The following ERBB4 variants were observed in gnomAD, a reference collection of about 807,000 sequenced individuals.
ERBB4 encodes receptor tyrosine-protein kinase erbB-4.
In ERBB4, 42 loss-of-function variants were observed where a neutral mutation model predicts 158.0. The ratio of observed to expected loss-of-function variants is 0.27; its 90% CI spans 0.21 to 0.34. The LOEUF (loss-of-function observed/expected upper bound fraction) is 0.34, where lower values mean the gene tolerates loss of function less well. Among genes scored for constraint, ERBB4 ranks in the 10% least tolerant of loss-of-function variants. The probability of loss-of-function intolerance (pLI) is 1.00; values close to 1 mark genes in which losing one functional copy is unlikely to be tolerated. For synonymous variants in ERBB4, 583 were observed against 558.7 expected (o/e 1.04, Z -0.61); for missense variants, 1,333 against 1,624.1 (o/e 0.82, Z 3.08).
intron 7 of ERBB4, among the ~76,000 whole-genome samples, chr2:211,721,576 T>A (rs1190126412): frequency 6.7e-6 from 1 of 148,356 alleles, no homozygotes; most frequent in Non-Finnish European, 1.5e-5. Context: ...TAACATACCC[T>A]TTATATATAT....
At position 211,668,092 on chromosome 2, in the gene ERBB4, T is replaced by C. The variant is rs559086578; in HGVS notation, c.1717-2615A>G. On this transcript the variant is annotated intron_variant, in intron 14 of 27. Transcript: ENST00000342788. ...CTACAAACTGCACAGCATATTACTGTACTGAATATTTTAGGCAGTAGTAAT... is the reference window on the plus strand; with the variant it reads ...CTACAAACTGCACAGCATATTACTGCACTGAATATTTTAGGCAGTAGTAAT... Among the ~76,000 whole-genome samples, 4 of 152,330 alleles carry C rather than the reference T, an allele frequency of 2.6e-5. No homozygotes were observed. In the East Asian group the frequency reaches 7.7e-4, roughly 29 times the overall value.
At chr2:212,390,644 A>G (rs1260980930) in intron 1 of ERBB4, among the ~76,000 whole-genome samples, 2 of 151,884 alleles carry the variant, frequency 1.3e-5, no homozygotes, top group Non-Finnish European at 3.0e-5. Flanking sequence ...AGATTATAAT[A>G]TCTAATACAT....
At chr2:211,648,165 C>A (rs1037132262) in intron 16 of ERBB4, among the ~76,000 whole-genome samples, 6 of 151,832 alleles carry the variant, frequency 4.0e-5, no homozygotes, top group Non-Finnish European at 8.9e-5. Context: ...TATACCTTAA[C>A]AGAATTTTTT....
chr2:211,551,897 A>G (rs1195993165), intron 20 of ERBB4, among the ~76,000 whole-genome samples: 2 of 152,232 alleles, frequency 1.3e-5, no homozygotes, highest in African/African-American at 4.8e-5. Flanking sequence ...AAGAGGAAAG[A>G]AGGTAAATGA....
intron 1 of ERBB4, among the ~76,000 whole-genome samples, chr2:212,134,676 C>CTTTTTTTTTTTTT (rs869141215): frequency 2.9e-5 from 2 of 69,056 alleles, no homozygotes; most frequent in Non-Finnish European, 5.1e-5. Flanking sequence ...TAAACACTTT[C>CTTTTTTTTTTTTT]TTTTTTTTTT....
intron 2 of ERBB4, among the ~76,000 whole-genome samples, chr2:211,958,103 C>T (rs2081080395): frequency 6.6e-6 from 1 of 152,136 alleles, no homozygotes; most frequent in East Asian, 1.9e-4. Flanking sequence ...ATTTGACAAG[C>T]CTGCCAAGAC....
In ERBB4 at chr2:212,313,094, G is replaced by A. The variant is rs545425437; in HGVS notation, c.83-188191C>T. On this transcript the variant is annotated intron_variant, in intron 1 of 27. Transcript: ENST00000342788. ...AGACAATTTAGAAATTAATGAAACC[G>A]TATTAAGGTAAATATATCCAATTTG... is the stretch of plus-strand genomic sequence containing the variant. Among the ~76,000 whole-genome samples, 10 of 150,796 alleles carry A rather than the reference G, an allele frequency of 6.6e-5. No homozygotes were observed. The South Asian group carries it at 8.3e-4, about 13-fold the overall frequency.
intron 2 of ERBB4, among the ~76,000 whole-genome samples, chr2:211,978,762 T>C (rs1157928636): frequency 6.6e-6 from 1 of 152,192 alleles, no homozygotes; most frequent in Non-Finnish European, 1.5e-5. Context: ...GACCTGAGGA[T>C]ATGTCACCAT....
At chr2:211,682,067 C>CACAA (rs1174951685) in intron 12 of ERBB4, among the ~76,000 whole-genome samples, 1 of 148,904 alleles carries the variant, frequency 6.7e-6, no homozygotes, top group African/African-American at 2.5e-5. Flanking sequence ...CACACACACA[C>CACAA]ACACACACAC....
intron 2 of ERBB4, among the ~76,000 whole-genome samples, chr2:211,995,829 C>A (rs2082188782): frequency 6.6e-6 from 1 of 152,084 alleles, no homozygotes; most frequent in Non-Finnish European, 1.5e-5. Context: ...ATAAGAGATC[C>A]TTTTTATATT....
intron 1 of ERBB4, among the ~76,000 whole-genome samples, chr2:212,404,602 T>A (rs1194455833): frequency 6.6e-6 from 1 of 151,958 alleles, no homozygotes; most frequent in East Asian, 1.9e-4. Context: ...TAAAAGAAAA[T>A]CAGCAGGGCA....
At chr2:211,723,270 T>G (rs1014009688) in intron 6 of ERBB4, among the ~76,000 whole-genome samples, 5 of 152,128 alleles carry the variant, frequency 3.3e-5, no homozygotes, top group African/African-American at 1.2e-4. Context: ...TTAAAAACCA[T>G]TTTATTACCT....
rs891050521 is a variant in ERBB4 at position 211,377,683 on chromosome 2, C to A, written c.*5932G>T. 2 of 232,204 alleles carry A rather than the reference C, an allele frequency of 8.6e-6. No individual in the cohort carries two copies. The highest frequency in any genetic ancestry group is 1.7e-5 in the Non-Finnish European group (2 of 117,536). The allele number at this position is 232,204 out of a possible 1,614,324, so 14.4% of individuals were successfully genotyped here. On this transcript the variant is annotated 3_prime_UTR_variant, in exon 28 of 28. Transcript: ENST00000342788. ...GCTACAAAATATTTACGATTAGGAA[C>A]CAAATAAGATGAATAAAGCAAATAA...
At chr2:211,826,617 A>C (rs538668116) in intron 3 of ERBB4, among the ~76,000 whole-genome samples, 1 of 152,024 alleles carries the variant, frequency 6.6e-6, no homozygotes, top group East Asian at 1.9e-4. Context: ...GTCTGGTATC[A>C]ATAAATATTT....
chr2:212,389,077 G>A (rs1160980699), intron 1 of ERBB4, among the ~76,000 whole-genome samples: 3 of 152,158 alleles, frequency 2.0e-5, no homozygotes, highest in African/African-American at 4.8e-5. Flanking sequence ...GGTCAGAACC[G>A]CCTTTATGGG....
chr2:211,914,122 A>C (rs1444613684), intron 3 of ERBB4, among the ~76,000 whole-genome samples: 1 of 151,896 alleles, frequency 6.6e-6, no homozygotes, highest in Non-Finnish European at 1.5e-5. Flanking sequence ...AGTATTCAAA[A>C]AGAAAATAAA....
chr2:212,535,761 A>G (rs1693017222), intron 1 of ERBB4, among the ~76,000 whole-genome samples: 1 of 152,212 alleles, frequency 6.6e-6, no homozygotes, highest in African/African-American at 2.4e-5. Flanking sequence ...AGAATTTCTA[A>G]AAAACATCCT....
intron 3 of ERBB4, among the ~76,000 whole-genome samples, chr2:211,825,771 A>G (rs987426939): frequency 7.5e-5 from 11 of 147,560 alleles, no homozygotes; most frequent in African/African-American, 2.0e-4. Context: ...TATATATATT[A>G]TATATTATTA....
Position 212,329,940 on chromosome 2 carries a change from A to C in ERBB4, c.83-205037T>G, listed in dbSNP as rs999202487. On this transcript the variant is annotated intron_variant, in intron 1 of 27. Coordinates refer to ENST00000342788, the MANE Select transcript of ERBB4 (RefSeq NM_005235.3). Reference sequence around the variant, plus strand: ...ACCAACTTTTCCAGTGTTACTGAGGATGTTCTAAAAGAGTCCACTGAAATC... The same window carrying C: ...ACCAACTTTTCCAGTGTTACTGAGGCTGTTCTAAAAGAGTCCACTGAAATC... 3.9e-5 allele frequency among the ~76,000 whole-genome samples: 6 copies of C among 152,196 alleles called. 1 individual carries two copies. In the East Asian group the frequency reaches 1.2e-3, roughly 30 times the overall value.
Sources: gnomAD v4.1 joint callset for allele counts (sites outside exome capture counted in the v4.1 genomes callset) on GRCh38, gnomAD v4.1.1 for gene constraint, MANE v1.5 for transcripts, NCBI Gene and HGNC (gene_info 2026-07-23, HGNC 2026-07-21) for gene names.